The following ALDH3A2 variants were observed in gnomAD, a reference collection of about 807,000 sequenced individuals.
The protein encoded by ALDH3A2 is aldehyde dehydrogenase 3 family member A2, also known as aldehyde dehydrogenase family 3 member A2.
Under a neutral mutation model 51.3 loss-of-function variants are expected in ALDH3A2, and 36 were observed. That is an observed-to-expected ratio of 0.70 (90% CI 0.54 to 0.93). The LOEUF (loss-of-function observed/expected upper bound fraction) is 0.93, where lower values mean the gene tolerates loss of function less well. Ranked by LOEUF, ALDH3A2 falls within the 40% of genes least tolerant of loss-of-function variation. ALDH3A2 has a pLI of 0.00. For missense variants in ALDH3A2, 552 were observed against 603.1 expected, an observed-to-expected ratio of 0.92 and a Z score of 0.89; for synonymous variants, 199 against 219.8, an observed-to-expected ratio of 0.91 and a Z score of 0.84.
intron 1 of ALDH3A2, 124 bp from the exon 2 acceptor site, chr17:19,651,423 A>T (rs2084812592): frequency 1.2e-6 from 1 of 829,836 alleles, no homozygotes; most frequent in African/African-American, 1.7e-5. Flanking sequence ...TCTGAATGGC[A>T]AACAGCTAGT....
At chr17:19,651,421 G>A in intron 1 of ALDH3A2, 126 bp from the exon 2 acceptor site, 1 of 809,270 alleles carries the variant, frequency 1.2e-6, no homozygotes, top group East Asian at 2.6e-5. Flanking sequence ...AGTCTGAATG[G>A]CAAACAGCTA....
At chr17:19,665,943 AGGAAACCT>A (rs2085031170) in intron 8 of ALDH3A2, among the ~76,000 whole-genome samples, 2 of 152,180 alleles carry the variant, frequency 1.3e-5, no homozygotes, top group Admixed American at 1.3e-4. Context: ...TTCCTGGTTA[AGGAAACCT>A]TGTCCTATGA....
At chr17:19,663,038 G>A (rs2084987610) in intron 6 of ALDH3A2, among the ~76,000 whole-genome samples, 1 of 152,162 alleles carries the variant, frequency 6.6e-6, no homozygotes, top group South Asian at 2.1e-4. Flanking sequence ...AAAATGTTAA[G>A]TATAATCTAC....
intron 9 of ALDH3A2, chr17:19,672,999 C>G: frequency 1.0e-6 from 1 of 1,001,914 alleles, no homozygotes; most frequent in Non-Finnish European, 1.6e-6. Context: ...CAAGATCATG[C>G]CACTGCACTC....
chr17:19,665,041 G>C lies in ALDH3A2; in HGVS notation c.1201G>C (p.Gly401Arg). The change falls in exon 8 of 10, where the codon GGA becomes CGA. Residue 401 changes from glycine to arginine, a missense_variant. Coordinates refer to ENST00000176643, the MANE Select transcript of ALDH3A2 (RefSeq NM_000382.3). ...HFTLNSFPFG[G>R]VGSSGMGAYH... is the part of the protein sequence containing the mutation. Reference sequence around the variant, plus strand: ...CACGCTCAACTCTTTCCCATTTGGAGGAGTGGGTGAGTCTTATTTTCTCCT... The same window carrying C: ...CACGCTCAACTCTTTCCCATTTGGACGAGTGGGTGAGTCTTATTTTCTCCT... 1.2e-6 allele frequency: 2 copies of C among 1,613,212 alleles called. No individual in the cohort carries two copies. Among genetic ancestry groups the C allele is most frequent in the Non-Finnish European group, 1.7e-6 (2 of 1,179,182 alleles).
At chr17:19,668,631 A>G (rs1262920152) in intron 8 of ALDH3A2, among the ~76,000 whole-genome samples, 1 of 80,734 alleles carries the variant, frequency 1.2e-5, no homozygotes, top group Non-Finnish European at 2.8e-5. Flanking sequence ...TATTATATAA[A>G]TATCATCTGT....
intron 8 of ALDH3A2, among the ~76,000 whole-genome samples, chr17:19,671,180 C>T (rs2085107692): frequency 6.6e-6 from 1 of 152,122 alleles, no homozygotes; most frequent in African/African-American, 2.4e-5. Context: ...ACCTTGTTGC[C>T]CTGTCTTACT....
At chr17:19,668,052 T>C (rs1488899963) in intron 8 of ALDH3A2, among the ~76,000 whole-genome samples, 2 of 152,174 alleles carry the variant, frequency 1.3e-5, no homozygotes, top group African/African-American at 4.8e-5. Context: ...CTCCTTTGAT[T>C]ATTAGTGAGT....
At position 19,663,490 on chromosome 17, in the gene ALDH3A2, TA is replaced by T. The variant is rs786204625; in HGVS notation, c.1100del (p.Asn367ThrfsTer8). 6.2e-7 allele frequency: 1 copy of T among 1,614,078 alleles called. No individual in the cohort carries two copies. The highest frequency in any genetic ancestry group is 8.5e-7 in the Non-Finnish European group (1 of 1,179,990). On this transcript the variant is annotated frameshift_variant, in exon 7 of 10. Transcript: ENST00000176643. LOFTEE classifies it high-confidence loss of function. Reference protein sequence around the residue: ...KPLALYVFSHNHKLIKRMIDE... With the variant: ...KPLALYVFSHXHKLIKRMIDE... ...CTCTGGCTCTTTATGTATTTTCGCA[TA>T]ACCATAAGGTAAGCTTTAGAGAGAA...
At chr17:19,655,732 A>G (rs1019871432) in intron 3 of ALDH3A2, among the ~76,000 whole-genome samples, 2 of 152,242 alleles carry the variant, frequency 1.3e-5, no homozygotes, top group Non-Finnish European at 2.9e-5. Context: ...CTCTTAGAAT[A>G]GCTGGTAATG....
At chr17:19,667,902 A>G (rs921384576) in intron 8 of ALDH3A2, among the ~76,000 whole-genome samples, 1 of 152,176 alleles carries the variant, frequency 6.6e-6, no homozygotes, top group Non-Finnish European at 1.5e-5. Flanking sequence ...CTTTTGATAG[A>G]TATTTCAAGT....
chr17:19,651,574 G>T lies in ALDH3A2; in HGVS notation c.181G>T (p.Val61Phe). Residue 61 changes from valine to phenylalanine, a missense_variant, in exon 2 of 10, where the codon GTC (valine) becomes TTC (phenylalanine). Physicochemically the swap from Val to Phe is conservative, Grantham distance 50. Coordinates refer to ENST00000176643, the MANE Select transcript of ALDH3A2 (RefSeq NM_000382.3). ...KSEFNVYSQE[V>F]ITVLGEIDFM... ...TGAATTCAATGTGTACAGTCAGGAAGTCATTACTGTCCTTGGGGAAATTGA... is the reference window on the plus strand; with the variant it reads ...TGAATTCAATGTGTACAGTCAGGAATTCATTACTGTCCTTGGGGAAATTGA... 6.2e-7 allele frequency: 1 copy of T among 1,614,036 alleles called. No homozygotes were observed. Among genetic ancestry groups the T allele is most frequent in the Non-Finnish European group, 8.5e-7 (1 of 1,179,880 alleles).
chr17:19,668,402 C>A (rs557574644), intron 8 of ALDH3A2, among the ~76,000 whole-genome samples: 147 of 152,144 alleles, frequency 9.7e-4, no homozygotes, highest in African/African-American at 3.3e-3. Flanking sequence ...CACCCGACAC[C>A]ACTCCTACCT....
rs1004491 is a variant in ALDH3A2, at chr17:19,652,663, T to C, written c.471+31T>C. ...AATTTCTTGACTCATCTCCAACATATGTGTTTACTGTGGAAAACACACATT... is the reference window on the plus strand; with the variant it reads ...AATTTCTTGACTCATCTCCAACATACGTGTTTACTGTGGAAAACACACATT... On this transcript the variant is annotated intron_variant, in intron 3 of 9. Transcript: ENST00000176643. 0.3 allele frequency: 447,840 copies of C among 1,506,138 alleles called. 70,153 individuals are homozygous for C. Among genetic ancestry groups the C allele is most frequent in the East Asian group, 0.47 (21,005 of 44,384 alleles). 93.3% of individuals were successfully genotyped at this position (1,506,138 alleles called of 1,614,324 possible).
At chr17:19,667,914 T>C (rs140122544) in intron 8 of ALDH3A2, among the ~76,000 whole-genome samples, 336 of 152,326 alleles carry the variant, frequency 2.2e-3, no homozygotes, top group African/African-American at 7.7e-3. Flanking sequence ...ATTTCAAGTG[T>C]CTTTGCAGAT....
intron 5 of ALDH3A2, 105 bp downstream of exon 5, chr17:19,657,967 C>G (rs2084919446): frequency 3.3e-6 from 3 of 897,696 alleles, no homozygotes; most frequent in Non-Finnish European, 5.4e-6. Flanking sequence ...AGGAAAATTT[C>G]AAAATCATAT....
At chr17:19,666,903 ACT>A (rs1453148252) in intron 8 of ALDH3A2, among the ~76,000 whole-genome samples, 9 of 151,650 alleles carry the variant, frequency 5.9e-5, no homozygotes, top group Admixed American at 2.6e-4. Flanking sequence ...AAACAGGTTT[ACT>A]CTCTTAGCAA....
At chr17:19,673,106 A>T (rs2085140182) in intron 9 of ALDH3A2, 1 of 1,613,588 alleles carries the variant, frequency 6.2e-7, no homozygotes, top group African/African-American at 1.3e-5. Flanking sequence ...GCCTTAGTGG[A>T]ATTGGAGATA....
Position 19,652,589 on chromosome 17 carries a change from C to A in ALDH3A2, c.428C>A (p.Thr143Lys). Residue 143 changes from threonine to lysine, a missense_variant, in exon 3 of 10, where the codon ACA becomes AAA. Transcript: ENST00000176643. ...AAGCCTTCTGAACTGAGTGAAAATA[C>A]AGCCAAGATCTTGGCAAAGCTTCTC... ...IIKPSELSEN[T>K]AKILAKLLPQ... 6.2e-7 allele frequency: 1 copy of A among 1,614,060 alleles called. No individual in the cohort carries two copies. The highest frequency in any genetic ancestry group is 8.5e-7 in the Non-Finnish European group (1 of 1,179,916).
Sources: allele counts gnomAD v4.1 joint callset (sites outside exome capture counted in the v4.1 genomes callset), GRCh38; gene constraint gnomAD v4.1.1; transcripts MANE v1.5; gene names NCBI Gene and HGNC (gene_info 2026-07-23, HGNC 2026-07-21).